The following GSE1 variants were observed in gnomAD, a reference collection of about 807,000 sequenced individuals.
GSE1 encodes Gse1 coiled-coil protein.
A neutral mutation model predicts 112.6 loss-of-function variants in GSE1; 32 were observed. That is an observed-to-expected ratio of 0.28 (90% CI 0.21 to 0.38). GSE1 has a LOEUF of 0.38. Ranked by LOEUF, GSE1 falls within the 10% of genes least tolerant of loss-of-function variation. The probability of loss-of-function intolerance (pLI) is 1.00; values close to 1 mark genes in which losing one functional copy is unlikely to be tolerated. For synonymous variants in GSE1, 1,115 were observed against 735.6 expected (o/e 1.52, Z -8.35); for missense variants, 2,348 against 1,699.2 (o/e 1.38, Z -6.71).
At position 85,264,783 on chromosome 16, in the gene GSE1, C is replaced by G. The variant is rs1908065295; in HGVS notation, c.2284-92680C>G. 2.6e-5 allele frequency among the ~76,000 whole-genome samples: 4 copies of G among 152,166 alleles called. No individual in the cohort carries two copies. The South Asian group carries it at 8.3e-4, about 31-fold the overall frequency. ...ATTGGCCCGTCCCCTGTGGAGACCC[C>G]TGGTGTCAGGTGTGTGTAGAGTGTG... On this transcript the variant is annotated intron_variant, in intron 1 of 2. Coordinates refer to the GSE1 transcript ENST00000637419.
chr16:85,395,459 G>A (rs2047943530), intron 2 of GSE1, among the ~76,000 whole-genome samples: 1 of 152,160 alleles, frequency 6.6e-6, no homozygotes, highest in Admixed American at 6.5e-5. Flanking sequence ...CAAGGGTGGA[G>A]CCGAGATGCA....
intron 1 of GSE1, among the ~76,000 whole-genome samples, chr16:85,227,548 C>T (rs79762955): frequency 0.011 from 1,701 of 152,258 alleles, 33 homozygotes; most frequent in African/African-American, 0.039. Flanking sequence ...GAGAGTGTGG[C>T]GAGCATGGGA....
intron 2 of GSE1, among the ~76,000 whole-genome samples, chr16:85,383,022 CCACACATGCACA>C (rs1188220540): frequency 1.3e-5 from 2 of 151,144 alleles, no homozygotes; most frequent in Non-Finnish European, 3.0e-5. Flanking sequence ...ACGGTTGCAC[CCACACATGCACA>C]CACACACCGT....
rs1045458762 is a variant in GSE1, at chr16:85,673,839, T to C, written c.*1300T>C. 1.3e-5 allele frequency: 2 copies of C among 152,198 alleles called. No individual in the cohort carries two copies. The allele number at this position is 152,198 out of a possible 1,614,324, so 9.4% of individuals were successfully genotyped here. ...TTCAGGAAGTCAATGATTTCTGTGA[T>C]TGATATAATTCTAAGGTGTCTGAGA... On this transcript the variant is annotated 3_prime_UTR_variant, in exon 16 of 16. Transcript: ENST00000253458.
intron 2 of GSE1, among the ~76,000 whole-genome samples, chr16:85,637,049 A>G (rs538404306): frequency 3.3e-5 from 5 of 152,204 alleles, no homozygotes; most frequent in Admixed American, 1.3e-4. Flanking sequence ...TACAATTCAC[A>G]TGCCATAAAA....
At chr16:85,327,407 AG>A (rs1195342700) in intron 1 of GSE1, among the ~76,000 whole-genome samples, 6 of 152,220 alleles carry the variant, frequency 3.9e-5, no homozygotes, top group Admixed American at 6.5e-5. Context: ...GTTTAAGACC[AG>A]CCTGGGCAGC....
chr16:85,541,420 G>A (rs1231590476), intron 2 of GSE1, among the ~76,000 whole-genome samples: 1 of 152,242 alleles, frequency 6.6e-6, no homozygotes, highest in African/African-American at 2.4e-5. Context: ...GCTGGCACAG[G>A]CCTCACTGTC....
At chr16:85,473,633 C>A (rs1005337534) in intron 2 of GSE1, among the ~76,000 whole-genome samples, 1 of 152,206 alleles carries the variant, frequency 6.6e-6, no homozygotes, top group African/African-American at 2.4e-5. Flanking sequence ...GGACACACAT[C>A]GTGGGATTTA....
intron 1 of GSE1, among the ~76,000 whole-genome samples, chr16:85,279,746 A>G (rs2044799819): frequency 1.3e-5 from 2 of 152,102 alleles, no homozygotes; most frequent in African/African-American, 2.4e-5. Flanking sequence ...TTGTGTCATT[A>G]TGGGAGGCGG....
At chr16:85,553,103 G>C (rs1015013523), upstream of GSE1, among the ~76,000 whole-genome samples, 20 of 152,032 alleles carry the variant, frequency 1.3e-4, no homozygotes, top group African/African-American at 4.1e-4. Context: ...TGAGGGGTTA[G>C]CGGGTGGGCG....
At chr16:85,338,081 C>T (rs2046543523) in intron 1 of GSE1, among the ~76,000 whole-genome samples, 1 of 152,212 alleles carries the variant, frequency 6.6e-6, no homozygotes, top group African/African-American at 2.4e-5. Context: ...TGGGTGCTGG[C>T]CCTGCTCGTC....
intron 1 of GSE1, among the ~76,000 whole-genome samples, chr16:85,356,688 C>A (rs1041929347): frequency 6.6e-6 from 1 of 152,212 alleles, no homozygotes; most frequent in Non-Finnish European, 1.5e-5. Context: ...GATGGGGTCT[C>A]CCTATGTTGC....
chr16:85,393,845 C>T (rs1246757650), intron 2 of GSE1, among the ~76,000 whole-genome samples: 1 of 152,182 alleles, frequency 6.6e-6, no homozygotes, highest in East Asian at 1.9e-4. Context: ...AGGTTCCCCA[C>T]CACGGGCAGG....
chr16:85,632,427 C>T (rs1422243081), intron 1 of GSE1, among the ~76,000 whole-genome samples: 1 of 152,194 alleles, frequency 6.6e-6, no homozygotes, highest in Non-Finnish European at 1.5e-5. Context: ...CTCCCTACGT[C>T]CCCTCTATCA....
intron 1 of GSE1, among the ~76,000 whole-genome samples, chr16:85,259,380 C>T (rs1907431559): frequency 6.6e-6 from 1 of 152,308 alleles, no homozygotes; most frequent in Non-Finnish European, 1.5e-5. Flanking sequence ...CTGCCATGGG[C>T]TCCAGGCACC....
At chr16:85,666,519 C>T (rs1045460312) in intron 13 of GSE1, 172 bp downstream of exon 13, 7 of 662,722 alleles carry the variant, frequency 1.1e-5, no homozygotes, top group Middle Eastern at 4.1e-4. Context: ...GTTTGTTTAT[C>T]TCCAAGCTCT....
intron 1 of GSE1, among the ~76,000 whole-genome samples, chr16:85,206,377 C>T (rs1186542460): frequency 6.6e-6 from 1 of 152,188 alleles, no homozygotes; most frequent in African/African-American, 2.4e-5. Flanking sequence ...CTTTGAGAAG[C>T]CTTGTGTTCC....
At position 85,671,052 on chromosome 16, in the gene GSE1, A is replaced by G; in HGVS notation, c.3473A>G (p.His1158Arg). 2 of 1,612,882 alleles carry G rather than the reference A, an allele frequency of 1.2e-6. No homozygotes were observed. Among genetic ancestry groups the G allele is most frequent in the Non-Finnish European group, 1.7e-6 (2 of 1,178,900 alleles). The change falls in exon 15 of 16, where the codon CAC (histidine) becomes CGC (arginine). Residue 1158 changes from histidine (H) to arginine (R), a missense_variant. Transcript: ENST00000253458. ...QTQCRRLEAR[H>R]YSLSLTAEQL... ...CAATGTAGACGACTGGAGGCCCGGC[A>G]CTACAGCCTCAGCCTGACGGCAGAG...
intron 1 of GSE1, among the ~76,000 whole-genome samples, chr16:85,264,020 C>G (rs930908324): frequency 2.0e-5 from 3 of 152,140 alleles, no homozygotes; most frequent in African/African-American, 7.2e-5. Flanking sequence ...AGGCAGGGAC[C>G]TCTCTCCCCC....
Sources: allele counts gnomAD v4.1 joint callset (sites outside exome capture counted in the v4.1 genomes callset), GRCh38; gene constraint gnomAD v4.1.1; transcripts MANE v1.5; gene names NCBI Gene and HGNC (gene_info 2026-07-23, HGNC 2026-07-21).